Variants in ADAM32 observed in about 807,000 individuals in gnomAD.
ADAM32 encodes disintegrin and metalloproteinase domain-containing protein 32.
ADAM32 carries 89 observed loss-of-function variants against 114.9 expected under a neutral mutation model. That is an observed-to-expected ratio of 0.77 (90% confidence interval 0.65 to 0.92). The LOEUF is 0.92. Among genes scored for constraint, ADAM32 ranks in the 40% least tolerant of loss-of-function variants. The probability of loss-of-function intolerance (pLI) is 0.00; values close to 1 mark genes in which losing one functional copy is unlikely to be tolerated. For synonymous variants in ADAM32, 285 were observed against 307.5 expected (o/e 0.93, Z 0.77); for missense variants, 870 against 932.8 (o/e 0.93, Z 0.88).
Position 39,246,166 on chromosome 8 carries a change from A to G in ADAM32, c.1902A>G (p.Gly634=). The change falls in exon 17 of 25, where the codon GGA becomes GGG. Residue 634 remains glycine, a splice_region_variant and synonymous_variant. Transcript: ENST00000379907. ...GTTCACAACAGTGTTCTGGACATGG[A>G]GTAAGTAACCACATGTTTCCCTGAA... ...HVCSQQCSGH[G]VCDSRNKCHC... 1 of 1,610,002 alleles carries G rather than the reference A, an allele frequency of 6.2e-7. No homozygotes were observed. The highest frequency in any genetic ancestry group is 8.5e-7 in the Non-Finnish European group (1 of 1,177,132).
At chr8:39,283,342 T>G (rs1442667009) in intron 23 of ADAM32, among the ~76,000 whole-genome samples, 1 of 149,168 alleles carries the variant, frequency 6.7e-6, no homozygotes, top group Non-Finnish European at 1.5e-5. Context: ...CCCCAGGAGG[T>G]TGAGGCTGTG....
Position 39,211,261 on chromosome 8 carries a change from G to A in ADAM32, c.1170G>A (p.Pro390=), listed in dbSNP as rs201298341. 3.6e-5 allele frequency: 58 copies of A among 1,601,232 alleles called. 1 individual carries two copies. The Middle Eastern group carries it at 6.6e-4, about 18-fold the overall frequency. Residue 390 remains proline, a synonymous_variant, in exon 12 of 25, where the codon CCG becomes CCA. Coordinates refer to ENST00000379907, the MANE Select transcript of ADAM32 (RefSeq NM_145004.7). ...AGCCACAAATGCAAAAAAAATCTCC[G>A]AAACCAGTCTGTGGCAATGGCAGAT... The part of the protein sequence containing the change: ...QNKPQMQKKS[P]KPVCGNGRLE...
chr8:39,185,826 G>A (rs552902691), intron 10 of ADAM32, among the ~76,000 whole-genome samples: 10 of 151,838 alleles, frequency 6.6e-5, no homozygotes, highest in African/African-American at 2.4e-4. Context: ...TCTTGATTTG[G>A]ACCTAGAGGC....
At chr8:39,109,076 C>G (rs1840046070) in intron 1 of ADAM32, among the ~76,000 whole-genome samples, 1 of 152,180 alleles carries the variant, frequency 6.6e-6, no homozygotes, top group African/African-American at 2.4e-5. Flanking sequence ...CAGTTCATAA[C>G]ACATACAAAA....
chr8:39,187,071 C>T (rs1806288976), intron 11 of ADAM32, 26 bp downstream of exon 11: 4 of 1,566,230 alleles, frequency 2.6e-6, no homozygotes, highest in Non-Finnish European at 2.6e-6. Flanking sequence ...TTATTTATTG[C>T]TTATGTTTAT....
intron 3 of ADAM32, among the ~76,000 whole-genome samples, chr8:39,144,064 T>G (rs1433615525): frequency 6.6e-6 from 1 of 152,216 alleles, no homozygotes; most frequent in Non-Finnish European, 1.5e-5. Flanking sequence ...TGCTGATTGC[T>G]AAGACTGTGG....
chr8:39,156,758 G>A (rs572728414), intron 6 of ADAM32, among the ~76,000 whole-genome samples: 13 of 152,228 alleles, frequency 8.5e-5, no homozygotes, highest in Admixed American at 3.9e-4. Context: ...CCCTGTATCT[G>A]CACAAGGTCT....
intron 2 of ADAM32, among the ~76,000 whole-genome samples, chr8:39,133,701 C>T (rs983043132): frequency 1.3e-5 from 2 of 152,132 alleles, no homozygotes; most frequent in African/African-American, 4.8e-5. Flanking sequence ...GCAGACTAGG[C>T]GGGCCATTTT....
intron 11 of ADAM32, among the ~76,000 whole-genome samples, chr8:39,204,409 C>T (rs932670976): frequency 2.6e-5 from 4 of 152,184 alleles, no homozygotes; most frequent in African/African-American, 9.7e-5. Context: ...ACTCTTTCTT[C>T]CAGTTGATCG....
chr8:39,241,517 G>T (rs1327971466), intron 16 of ADAM32, among the ~76,000 whole-genome samples: 1 of 152,242 alleles, frequency 6.6e-6, no homozygotes, highest in African/African-American at 2.4e-5. Flanking sequence ...CTAGGCAGAG[G>T]TTCCCAAATC....
At chr8:39,260,914 C>G (rs1048932964) in intron 19 of ADAM32, among the ~76,000 whole-genome samples, 3 of 151,338 alleles carry the variant, frequency 2.0e-5, no homozygotes, top group Non-Finnish European at 4.4e-5. Context: ...TTTTTAATTG[C>G]AAGTTTTATT....
chr8:39,243,056 A>C, intron 16 of ADAM32, among the ~76,000 whole-genome samples: 1 of 152,292 alleles, frequency 6.6e-6, no homozygotes, highest in South Asian at 2.1e-4. Context: ...ATTCCTGGAA[A>C]TATACAACCC....
At chr8:39,239,232 C>A (rs540768509) in intron 16 of ADAM32, among the ~76,000 whole-genome samples, 98 of 152,286 alleles carry the variant, frequency 6.4e-4, no homozygotes, top group Non-Finnish European at 1.3e-3. Flanking sequence ...TCAGCAGAAA[C>A]TCTACGAGCT....
chr8:39,108,784 G>A (rs1840032656), intron 1 of ADAM32, among the ~76,000 whole-genome samples: 1 of 152,198 alleles, frequency 6.6e-6, no homozygotes. Flanking sequence ...CATAGCAGAG[G>A]TGTGGTCAAG....
intron 20 of ADAM32, among the ~76,000 whole-genome samples, chr8:39,272,101 G>GAAAAAAAAAAAAAAAAAAAGAAAAAA (rs1812769776): frequency 4.6e-5 from 3 of 65,810 alleles, no homozygotes; most frequent in East Asian, 4.1e-4. Context: ...GTGAGCTCCA[G>GAAAAAAAAAAAAAAAAAAAGAAAAAA]AAAAAAAAAA....
chr8:39,229,584 G>A (rs1421238565), intron 14 of ADAM32, among the ~76,000 whole-genome samples: 1 of 152,112 alleles, frequency 6.6e-6, no homozygotes, highest in African/African-American at 2.4e-5. Flanking sequence ...TAAAGCAACA[G>A]CATTTAAAAG....
At chr8:39,260,544 T>G (rs887572357) in intron 19 of ADAM32, among the ~76,000 whole-genome samples, 2 of 152,164 alleles carry the variant, frequency 1.3e-5, no homozygotes, top group Non-Finnish European at 2.9e-5. Context: ...TGTTGAATTT[T>G]GTTTCCTGTA....
intron 11 of ADAM32, among the ~76,000 whole-genome samples, chr8:39,189,459 G>A (rs1585495300): frequency 6.6e-6 from 1 of 151,888 alleles, no homozygotes; most frequent in Non-Finnish European, 1.5e-5. Context: ...GTGTCTAAAT[G>A]TATTATTATT....
intron 14 of ADAM32, among the ~76,000 whole-genome samples, chr8:39,225,406 C>CCCTGTA (rs1369165062): frequency 2.0e-5 from 3 of 152,170 alleles, no homozygotes; most frequent in African/African-American, 7.2e-5. Context: ...GTGACTGCTG[C>CCCTGTA]CCTGTACCCT....
Sources: allele counts gnomAD v4.1 joint callset (sites outside exome capture counted in the v4.1 genomes callset), GRCh38; gene constraint gnomAD v4.1.1; transcripts MANE v1.5; gene names NCBI Gene and HGNC (gene_info 2026-07-23, HGNC 2026-07-21).